Variants in ADK observed in about 807,000 individuals in gnomAD.
ADK encodes the protein adenosine kinase.
ADK carries 24 observed loss-of-function variants against 44.7 expected under a neutral mutation model. The ratio of observed to expected loss-of-function variants is 0.54; its 90% CI spans 0.39 to 0.76. ADK has a LOEUF of 0.76. ADK is among the 30% of genes least tolerant of loss of function. The pLI, the probability that ADK is intolerant of heterozygous loss-of-function variation, is 0.00. For missense variants in ADK, 321 were observed against 425.1 expected (o/e 0.76, Z 2.15); for synonymous variants, 128 against 142.6 (o/e 0.90, Z 0.73).
chr10:74,557,830 G>A (rs544766844), intron 7 of ADK, among the ~76,000 whole-genome samples: 1 of 152,254 alleles, frequency 6.6e-6, no homozygotes, highest in South Asian at 2.1e-4. Flanking sequence ...GGTTTTGAGT[G>A]GGGGCTTACA....
At chr10:74,645,132 C>T (rs1854009495) in intron 9 of ADK, among the ~76,000 whole-genome samples, 1 of 152,172 alleles carries the variant, frequency 6.6e-6, no homozygotes, top group Non-Finnish European at 1.5e-5. Context: ...TTTTTCTCTT[C>T]TAATTGTTTA....
chr10:74,371,319 C>G (rs1377736766), intron 4 of ADK, among the ~76,000 whole-genome samples: 1 of 152,068 alleles, frequency 6.6e-6, no homozygotes, highest in African/African-American at 2.4e-5. Flanking sequence ...GAATCATATG[C>G]TTTAACTGGA....
chr10:74,322,533 CT>C (rs1038511616), intron 4 of ADK, among the ~76,000 whole-genome samples: 1 of 152,080 alleles, frequency 6.6e-6, no homozygotes, highest in African/African-American at 2.4e-5. Context: ...TTTCTGTTCT[CT>C]TTCCTTTTCA....
chr10:74,687,471 G>A (rs1232898756), intron 10 of ADK, among the ~76,000 whole-genome samples: 1 of 152,206 alleles, frequency 6.6e-6, no homozygotes, highest in Non-Finnish European at 1.5e-5. Flanking sequence ...CCTACCCTTT[G>A]TTCCATTTAA....
intron 4 of ADK, among the ~76,000 whole-genome samples, chr10:74,385,171 A>G (rs535151708): frequency 1.3e-5 from 2 of 152,250 alleles, no homozygotes; most frequent in Non-Finnish European, 2.9e-5. Context: ...TTGTATGGTT[A>G]TATGAATATA....
Position 74,530,796 on chromosome 10 carries a change from G to A in ADK, c.726+5370G>A, listed in dbSNP as rs375255500. ...CAAAAAAGCCTGGCAGGGTGGTTGT[G>A]CGCCTGTAATCCCAGCTACTCGGGT... On this transcript the variant is annotated intron_variant, in intron 7 of 10. Transcript: ENST00000539909. Among the ~76,000 whole-genome samples the A allele has an allele frequency of 5.3e-5, 8 of 152,062 alleles. No individual in the cohort carries two copies. The East Asian group carries it at 9.6e-4, about 18-fold the overall frequency.
chr10:74,210,330 G>GAAA (rs57852507), intron 2 of ADK, among the ~76,000 whole-genome samples: 3,353 of 84,336 alleles, frequency 0.04, 132 homozygotes, highest in Middle Eastern at 0.11. Context: ...TCCATCTCAG[G>GAAA]AAAAAAAAAA....
At chr10:74,577,108 C>CTG (rs1194977442) in intron 7 of ADK, among the ~76,000 whole-genome samples, 4 of 93,166 alleles carry the variant, frequency 4.3e-5, no homozygotes, top group East Asian at 3.1e-4. Context: ...TGTATTATTT[C>CTG]TCTGTGTGTG....
intron 3 of ADK, among the ~76,000 whole-genome samples, chr10:74,246,383 A>G (rs1402894818): frequency 2.0e-5 from 3 of 152,216 alleles, no homozygotes; most frequent in African/African-American, 7.2e-5. Context: ...GAATCAGGCA[A>G]TACTTCATTC....
chr10:74,332,022 T>TC (rs1841236296), intron 4 of ADK, among the ~76,000 whole-genome samples: 1 of 151,690 alleles, frequency 6.6e-6, no homozygotes, highest in African/African-American at 2.4e-5. Flanking sequence ...CCCAACAAAT[T>TC]TTTTTTTGTA....
At chr10:74,514,749 A>G (rs947681880) in intron 6 of ADK, among the ~76,000 whole-genome samples, 3 of 151,964 alleles carry the variant, frequency 2.0e-5, no homozygotes, top group African/African-American at 7.3e-5. Context: ...CACATTTCAT[A>G]TATTTCCTTA....
chr10:74,284,119 C>T (rs747072828), intron 3 of ADK, among the ~76,000 whole-genome samples: 11 of 151,966 alleles, frequency 7.2e-5, no homozygotes, highest in Non-Finnish European at 1.6e-4. Context: ...CCACCATGCC[C>T]GGCTAATTTT....
intron 6 of ADK, among the ~76,000 whole-genome samples, chr10:74,481,992 G>A (rs906741035): frequency 5.3e-5 from 8 of 152,102 alleles, no homozygotes; most frequent in Non-Finnish European, 8.8e-5. Context: ...AAGATTCATC[G>A]TAGTTTTTAG....
chr10:74,696,099 C>T (rs1337632774), intron 10 of ADK, among the ~76,000 whole-genome samples: 1 of 152,168 alleles, frequency 6.6e-6, no homozygotes, highest in Non-Finnish European at 1.5e-5. Context: ...CAGCTCAACA[C>T]AACCTCCACC....
At chr10:74,625,966 T>C (rs1414519641) in intron 9 of ADK, among the ~76,000 whole-genome samples, 3 of 152,166 alleles carry the variant, frequency 2.0e-5, no homozygotes, top group Non-Finnish European at 4.4e-5. Context: ...AATCAACTAG[T>C]GTAGTTGATA....
chr10:74,527,841 C>G, intron 7 of ADK: 1 of 1,107,730 alleles, frequency 9.0e-7, no homozygotes, highest in Non-Finnish European at 1.4e-6. Context: ...TTCCAAGTGT[C>G]TTGAAGCTGC....
At chr10:74,321,405 T>C (rs1840804532) in intron 4 of ADK, among the ~76,000 whole-genome samples, 1 of 152,080 alleles carries the variant, frequency 6.6e-6, no homozygotes, top group Non-Finnish European at 1.5e-5. Flanking sequence ...TGCCTCAGCC[T>C]CCTGAGTAGT....
chr10:74,615,497 G>A (rs76157033), intron 9 of ADK, among the ~76,000 whole-genome samples: 3,053 of 152,218 alleles, frequency 0.02, 37 homozygotes, highest in Non-Finnish European at 0.031. Flanking sequence ...TGCAAGGATG[G>A]TACCAATATA....
intron 8 of ADK, among the ~76,000 whole-genome samples, chr10:74,595,768 G>A (rs1851899838): frequency 1.6e-5 from 2 of 125,348 alleles, no homozygotes; most frequent in South Asian, 3.0e-4. Flanking sequence ...AGGCCAAGGT[G>A]GGTGGATCAC....
Sources: gnomAD v4.1 joint callset for allele counts (sites outside exome capture counted in the v4.1 genomes callset) on GRCh38, gnomAD v4.1.1 for gene constraint, MANE v1.5 for transcripts, NCBI Gene and HGNC (gene_info 2026-07-23, HGNC 2026-07-21) for gene names.